Variants in ZRANB3 observed in about 807,000 individuals in gnomAD.
The protein encoded by ZRANB3 is DNA annealing helicase and endonuclease ZRANB3.
A neutral mutation model predicts 133.8 loss-of-function variants in ZRANB3; 125 were observed. The ratio of observed to expected loss-of-function variants is 0.93; its 90% CI spans 0.81 to 1.08. The LOEUF (loss-of-function observed/expected upper bound fraction) is 1.08, where lower values mean the gene tolerates loss of function less well. ZRANB3 is among the 50% of genes least tolerant of loss of function. ZRANB3 has a pLI of 0.00. For synonymous variants in ZRANB3, 387 were observed against 432.7 expected (o/e 0.89, Z 1.31); for missense variants, 1,229 against 1,275.5 (o/e 0.96, Z 0.56).
intron 2 of ZRANB3, among the ~76,000 whole-genome samples, chr2:135,478,305 T>C (rs1245265763): frequency 2.6e-5 from 4 of 152,104 alleles, no homozygotes; most frequent in Admixed American, 6.5e-5. Context: ...GTATATGGCT[T>C]AAGAAAATTC....
At position 135,406,548 on chromosome 2, in the gene ZRANB3, T is replaced by G. The variant is rs546224337; in HGVS notation, c.162-15728A>C. On this transcript the variant is annotated intron_variant, in intron 2 of 20. Transcript: ENST00000264159. Reference sequence around the variant, plus strand: ...GAGAATTTTAGACCAATATCCCTGATGAACATCGATGCAAAAATCCTCAAT... The same window carrying G: ...GAGAATTTTAGACCAATATCCCTGAGGAACATCGATGCAAAAATCCTCAAT... Among the ~76,000 whole-genome samples the G allele has an allele frequency of 2.0e-5, 3 of 152,258 alleles. No individual in the cohort carries two copies. In the East Asian group the frequency reaches 5.8e-4, roughly 29 times the overall value.
intron 2 of ZRANB3, among the ~76,000 whole-genome samples, chr2:135,487,366 T>C (rs1401171598): frequency 6.6e-6 from 1 of 152,238 alleles, no homozygotes; most frequent in Non-Finnish European, 1.5e-5. Flanking sequence ...CAATGAGCAC[T>C]GGCTTCACCT....
intron 6 of ZRANB3, among the ~76,000 whole-genome samples, chr2:135,330,313 A>T (rs1684073803): frequency 6.6e-6 from 1 of 152,158 alleles, no homozygotes; most frequent in Non-Finnish European, 1.5e-5. Context: ...TGAGATAATC[A>T]TGTGGCTTTT....
intron 3 of ZRANB3, among the ~76,000 whole-genome samples, chr2:135,378,629 C>T (rs1686538903): frequency 6.6e-6 from 1 of 152,102 alleles, no homozygotes; most frequent in Middle Eastern, 3.2e-3. Context: ...CAAAACCTGG[C>T]AAACACTACC....
chr2:135,309,611 C>T (rs1682875470), intron 8 of ZRANB3, among the ~76,000 whole-genome samples: 1 of 152,096 alleles, frequency 6.6e-6, no homozygotes, highest in African/African-American at 2.4e-5. Flanking sequence ...TGGAAATTTA[C>T]ATTTTAAAAA....
intron 12 of ZRANB3, among the ~76,000 whole-genome samples, chr2:135,259,762 A>C (rs1313347338): frequency 6.6e-6 from 1 of 151,454 alleles, no homozygotes; most frequent in Non-Finnish European, 1.5e-5. Flanking sequence ...CATTACCCAT[A>C]CTAAATTAGA....
At chr2:135,420,173 T>C (rs1463298640) in intron 2 of ZRANB3, among the ~76,000 whole-genome samples, 1 of 147,526 alleles carries the variant, frequency 6.8e-6, no homozygotes, top group Non-Finnish European at 1.5e-5. Context: ...TTAGTAACTT[T>C]CTGCCTCCAG....
intron 12 of ZRANB3, among the ~76,000 whole-genome samples, chr2:135,253,989 G>T (rs1017272461): frequency 2.6e-5 from 4 of 152,120 alleles, no homozygotes; most frequent in African/African-American, 9.7e-5. Context: ...CCAGAATCAG[G>T]TCTCACTTTT....
At chr2:135,384,353 T>C (rs1240710233) in intron 3 of ZRANB3, among the ~76,000 whole-genome samples, 1 of 152,108 alleles carries the variant, frequency 6.6e-6, no homozygotes, top group Non-Finnish European at 1.5e-5. Flanking sequence ...CAATAATTAA[T>C]AGATTAACAA....
At chr2:135,309,726 C>T (rs962624739) in intron 8 of ZRANB3, among the ~76,000 whole-genome samples, 4 of 151,980 alleles carry the variant, frequency 2.6e-5, no homozygotes, top group African/African-American at 7.2e-5. Context: ...TAAAAGTGAA[C>T]GATACTCTTT....
At chr2:135,295,219 TTTGTAGGTC>T (rs1454300912) in intron 8 of ZRANB3, among the ~76,000 whole-genome samples, 5 of 152,204 alleles carry the variant, frequency 3.3e-5, no homozygotes, top group African/African-American at 1.2e-4. Flanking sequence ...TCTAAGTCTC[TTTGTAGGTC>T]ACTAAGGACT....
At chr2:135,314,809 C>T (rs189552263) in intron 7 of ZRANB3, among the ~76,000 whole-genome samples, 5 of 150,890 alleles carry the variant, frequency 3.3e-5, no homozygotes, top group African/African-American at 7.3e-5. Flanking sequence ...AGTGCAATGG[C>T]GCGATCTCGG....
intron 7 of ZRANB3, among the ~76,000 whole-genome samples, chr2:135,313,933 C>T (rs529130627): frequency 1.3e-5 from 2 of 152,254 alleles, no homozygotes; most frequent in South Asian, 2.1e-4. Flanking sequence ...CGTGCAATCT[C>T]GGCTCACTGC....
chr2:135,450,546 T>C (rs1422589958), intron 2 of ZRANB3, among the ~76,000 whole-genome samples: 2 of 152,096 alleles, frequency 1.3e-5, no homozygotes, highest in Non-Finnish European at 2.9e-5. Flanking sequence ...CTCATACTGC[T>C]TTTACGAGAC....
At chr2:135,206,242 CTTT>C in intron 19 of ZRANB3, among the ~76,000 whole-genome samples, 1 of 144,206 alleles carries the variant, frequency 6.9e-6, no homozygotes, top group Non-Finnish European at 1.5e-5. Flanking sequence ...CTATAAAATA[CTTT>C]TTTTTTTTTT....
At chr2:135,404,019 A>G (rs964414264) in intron 2 of ZRANB3, among the ~76,000 whole-genome samples, 2 of 152,180 alleles carry the variant, frequency 1.3e-5, no homozygotes, top group African/African-American at 2.4e-5. Context: ...GAGCAGAAAA[A>G]CTGGAAACTC....
At chr2:135,275,226 G>A (rs1426805462) in intron 9 of ZRANB3, among the ~76,000 whole-genome samples, 18 of 93,202 alleles carry the variant, frequency 1.9e-4, no homozygotes, top group East Asian at 7.8e-4. Context: ...CCCACCTCCC[G>A]GACGGGGCGG....
At chr2:135,519,436 G>C (rs1029556836) in intron 1 of ZRANB3, among the ~76,000 whole-genome samples, 2 of 152,090 alleles carry the variant, frequency 1.3e-5, no homozygotes, top group Non-Finnish European at 2.9e-5. Flanking sequence ...ACTTGAGCCA[G>C]GGAGGTCCAG....
At chr2:135,233,125 C>T (rs1001682245) in intron 12 of ZRANB3, among the ~76,000 whole-genome samples, 1 of 152,186 alleles carries the variant, frequency 6.6e-6, no homozygotes. Flanking sequence ...AAAACCATGG[C>T]ACGAGAGCTA....
Sources: allele counts gnomAD v4.1 joint callset (sites outside exome capture counted in the v4.1 genomes callset), GRCh38; gene constraint gnomAD v4.1.1; transcripts MANE v1.5; gene names NCBI Gene and HGNC (gene_info 2026-07-23, HGNC 2026-07-21).